The following CDH12 variants were observed in gnomAD, a reference collection of about 807,000 sequenced individuals.
The protein encoded by CDH12 is cadherin-12.
A neutral mutation model predicts 74.1 loss-of-function variants in CDH12; 41 were observed. The observed-to-expected ratio is 0.55, with a 90% CI of 0.43 to 0.72. The LOEUF is 0.72. CDH12 is among the 30% of genes least tolerant of loss of function. CDH12 has a pLI of 0.00. For synonymous variants in CDH12, 399 were observed against 355.0 expected (o/e 1.12, Z -1.39); for missense variants, 945 against 977.2 (o/e 0.97, Z 0.44).
chr5:22,818,558 G>A (rs1749507365), intron 1 of CDH12, among the ~76,000 whole-genome samples: 1 of 152,098 alleles, frequency 6.6e-6, no homozygotes, highest in South Asian at 2.1e-4. Context: ...AGAGGGACAA[G>A]CAATGACATC....
intron 5 of CDH12, among the ~76,000 whole-genome samples, chr5:22,040,179 C>T (rs998621789): frequency 7.9e-5 from 12 of 151,412 alleles, no homozygotes; most frequent in African/African-American, 2.2e-4. Flanking sequence ...AAAAAAATTA[C>T]AGTAGAGAGC....
chr5:22,312,709 T>C (rs138847237), intron 3 of CDH12, among the ~76,000 whole-genome samples: 1,996 of 152,286 alleles, frequency 0.013, 23 homozygotes, highest in Non-Finnish European at 0.022. Flanking sequence ...CTAATCCATC[T>C]TTTTTTCATT....
chr5:22,224,461 T>G (rs904016361), intron 3 of CDH12, among the ~76,000 whole-genome samples: 2 of 152,070 alleles, frequency 1.3e-5, no homozygotes, highest in African/African-American at 4.8e-5. Flanking sequence ...TCCCCCATTG[T>G]TCTGTTCTTT....
intron 1 of CDH12, among the ~76,000 whole-genome samples, chr5:22,609,314 C>A (rs1252787045): frequency 1.3e-5 from 2 of 152,108 alleles, no homozygotes; most frequent in African/African-American, 4.8e-5. Context: ...AGCACTTTTT[C>A]TTTGGCATCC....
At chr5:21,974,681 G>T (rs1756987207) in intron 6 of CDH12, among the ~76,000 whole-genome samples, 2 of 152,110 alleles carry the variant, frequency 1.3e-5, no homozygotes, top group Non-Finnish European at 2.9e-5. Context: ...ACCACTTCCA[G>T]ATCAGATGTG....
chr5:22,020,098 T>C, intron 5 of CDH12, among the ~76,000 whole-genome samples: 1 of 152,206 alleles, frequency 6.6e-6, no homozygotes, highest in East Asian at 1.9e-4. Flanking sequence ...GAGATTCAGA[T>C]ACATGTTGAG....
At chr5:22,768,033 A>C (rs1414853061) in intron 1 of CDH12, among the ~76,000 whole-genome samples, 2 of 152,026 alleles carry the variant, frequency 1.3e-5, no homozygotes, top group Non-Finnish European at 2.9e-5. Flanking sequence ...AAAAAAAGAC[A>C]AGGAAAATTT....
Position 22,726,808 on chromosome 5 carries a change from C to T in CDH12, c.-523+126250G>A, listed in dbSNP as rs186844290. Among the ~76,000 whole-genome samples, 835 of 151,840 alleles carry T rather than the reference C, an allele frequency of 5.5e-3. 6 individuals are homozygous for T. Among genetic ancestry groups the T allele is most frequent in the Non-Finnish European group, 7.2e-3 (491 of 67,752 alleles). On this transcript the variant is annotated intron_variant, in intron 1 of 14. Transcript: ENST00000382254. ...TCCTGGACAAAAAAATAATCTCAGA[C>T]CTTCATTATAGAAGTAATACAAACA...
At chr5:22,059,336 C>CATCT (rs58259827) in intron 5 of CDH12, among the ~76,000 whole-genome samples, 6,683 of 143,982 alleles carry the variant, frequency 0.046, 171 homozygotes, top group Non-Finnish European at 0.062. Context: ...GTCTATCTAT[C>CATCT]ATCTATCTAT....
At chr5:21,976,284 G>A (rs1382461474) in intron 5 of CDH12, among the ~76,000 whole-genome samples, 1 of 151,984 alleles carries the variant, frequency 6.6e-6, no homozygotes, top group Non-Finnish European at 1.5e-5. Flanking sequence ...GTTATAGTAT[G>A]GAATAAGATA....
At chr5:22,552,813 T>G (rs1318727432) in intron 1 of CDH12, among the ~76,000 whole-genome samples, 3 of 152,164 alleles carry the variant, frequency 2.0e-5, no homozygotes, top group African/African-American at 7.2e-5. Flanking sequence ...GTCTATGGAT[T>G]TTTTATCCCA....
intron 2 of CDH12, among the ~76,000 whole-genome samples, chr5:22,425,172 A>AAAAT (rs1743866934): frequency 4.8e-5 from 4 of 83,452 alleles, no homozygotes; most frequent in Non-Finnish European, 1.0e-4. Flanking sequence ...TATATATATA[A>AAAAT]ATATATATAT....
intron 7 of CDH12, among the ~76,000 whole-genome samples, chr5:21,842,848 C>T (rs1749948896): frequency 6.6e-6 from 1 of 151,810 alleles, no homozygotes; most frequent in Admixed American, 6.6e-5. Flanking sequence ...TTCAGAATTC[C>T]CGTTAGTTAT....
chr5:22,652,097 A>C (rs1378957165), intron 1 of CDH12, among the ~76,000 whole-genome samples: 4 of 152,160 alleles, frequency 2.6e-5, no homozygotes, highest in Non-Finnish European at 5.9e-5. Flanking sequence ...GAAATGGAAA[A>C]AGATTAAAAT....
At chr5:22,508,270 C>T (rs1181170015) in intron 1 of CDH12, among the ~76,000 whole-genome samples, 1 of 152,154 alleles carries the variant, frequency 6.6e-6, no homozygotes, top group Non-Finnish European at 1.5e-5. Flanking sequence ...TCTGGAGAGT[C>T]ATCCCCTACA....
intron 4 of CDH12, among the ~76,000 whole-genome samples, chr5:22,094,205 A>T (rs1743607223): frequency 6.6e-6 from 1 of 152,152 alleles, no homozygotes. Context: ...AGCAGTGAAC[A>T]TGGGGGAAAG....
intron 3 of CDH12, among the ~76,000 whole-genome samples, chr5:22,235,946 G>A (rs113188375): frequency 0.027 from 4,073 of 152,252 alleles, 78 homozygotes; most frequent in African/African-American, 0.057. Flanking sequence ...TTACAGACAC[G>A]AGCAGCATAT....
At chr5:22,120,060 C>A (rs537586874) in intron 4 of CDH12, among the ~76,000 whole-genome samples, 2 of 152,206 alleles carry the variant, frequency 1.3e-5, no homozygotes, top group Admixed American at 6.5e-5. Flanking sequence ...CCTAGGAAAT[C>A]AAGGGGAAAA....
At chr5:21,767,311 T>C (rs1745082832) in intron 11 of CDH12, among the ~76,000 whole-genome samples, 1 of 151,784 alleles carries the variant, frequency 6.6e-6, no homozygotes, top group Admixed American at 6.6e-5. Context: ...GAGATTTATT[T>C]TATAATATAA....
Sources: allele counts gnomAD v4.1 joint callset (sites outside exome capture counted in the v4.1 genomes callset), GRCh38; gene constraint gnomAD v4.1.1; transcripts MANE v1.5; gene names NCBI Gene and HGNC (gene_info 2026-07-23, HGNC 2026-07-21).